The following PHC2 variants were observed in gnomAD, a reference collection of about 807,000 sequenced individuals.
PHC2 encodes the protein polyhomeotic-like protein 2.
A neutral mutation model predicts 87.4 loss-of-function variants in PHC2; 29 were observed. That is an observed-to-expected ratio of 0.33 (90% CI 0.25 to 0.45). The LOEUF (loss-of-function observed/expected upper bound fraction) is 0.45, where lower values mean the gene tolerates loss of function less well. Ranked by LOEUF, PHC2 falls within the 20% of genes least tolerant of loss-of-function variation. The pLI, the probability that PHC2 is intolerant of heterozygous loss-of-function variation, is 1.00. For missense variants in PHC2, 857 were observed against 1,136.7 expected, an observed-to-expected ratio of 0.75 and a Z score of 3.54; for synonymous variants, 438 against 461.7, an observed-to-expected ratio of 0.95 and a Z score of 0.66.
intron 8 of PHC2, 70 bp downstream of exon 8, chr1:33,354,768 C>T (rs572097643): frequency 6.6e-6 from 10 of 1,522,586 alleles, no homozygotes; most frequent in African/African-American, 2.7e-5. Context: ...CACCTCTTGA[C>T]GGGGCTGTGG....
intron 1 of PHC2, among the ~76,000 whole-genome samples, chr1:33,427,765 C>A (rs1650741988): frequency 6.6e-6 from 1 of 152,230 alleles, no homozygotes; most frequent in Admixed American, 6.5e-5. Flanking sequence ...GCGTGTCTAA[C>A]TGGCCTTGGC....
intron 9 of PHC2, chr1:33,335,061 CTCTG>C (rs1296131300): frequency 6.2e-5 from 20 of 320,240 alleles, no homozygotes; most frequent in Non-Finnish European, 6.3e-5. Flanking sequence ...ATCATAGATC[CTCTG>C]TCTCTCTGTG....
intron 9 of PHC2, among the ~76,000 whole-genome samples, chr1:33,353,050 G>C (rs1358129283): frequency 2.6e-5 from 4 of 152,178 alleles, no homozygotes; most frequent in Admixed American, 1.3e-4. Context: ...GGCCTCTAAA[G>C]ACTAGTAGCT....
chr1:33,372,551 A>C, intron 2 of PHC2, 104 bp from the exon 3 acceptor site: 1 of 983,714 alleles, frequency 1.0e-6, no homozygotes. Flanking sequence ...ACTGCTCGGG[A>C]GACACCAAGA....
chr1:33,402,834 TC>T (rs1215644917), intron 1 of PHC2, among the ~76,000 whole-genome samples: 1 of 114,430 alleles, frequency 8.7e-6, no homozygotes, highest in Admixed American at 8.1e-5. Flanking sequence ...AAGGGAAAAC[TC>T]TTTTTTTTGA....
chr1:33,356,269 A>ATATG (rs1553185661), intron 7 of PHC2, among the ~76,000 whole-genome samples: 2 of 99,150 alleles, frequency 2.0e-5, no homozygotes, highest in African/African-American at 8.4e-5. Context: ...ATATATATAT[A>ATATG]TATATATGTA....
At chr1:33,325,858 C>T (rs1383062814) in intron 14 of PHC2, 4 of 456,458 alleles carry the variant, frequency 8.8e-6, no homozygotes, top group African/African-American at 8.0e-5. Context: ...GAACTGGCCA[C>T]AGGCAGGAGC....
chr1:33,356,287 A>ATT (rs1299877376), intron 7 of PHC2, among the ~76,000 whole-genome samples: 7 of 139,458 alleles, frequency 5.0e-5, no homozygotes, highest in African/African-American at 1.8e-4. Flanking sequence ...GTATATATAT[A>ATT]TATATATTTA....
At chr1:33,347,564 T>G (rs185989976) in intron 9 of PHC2, 1 of 984,978 alleles carries the variant, frequency 1.0e-6, no homozygotes, top group Non-Finnish European at 1.2e-6. Flanking sequence ...AAAGAACAGT[T>G]TGGGGGAAAA....
At chr1:33,410,225 C>T (rs539626788) in intron 1 of PHC2, among the ~76,000 whole-genome samples, 3 of 152,312 alleles carry the variant, frequency 2.0e-5, no homozygotes, top group Admixed American at 6.5e-5. Flanking sequence ...ATGCCTTACT[C>T]TTCCCCTCTG....
intron 7 of PHC2, among the ~76,000 whole-genome samples, chr1:33,357,584 G>A (rs1647114975): frequency 6.6e-6 from 1 of 152,240 alleles, no homozygotes; most frequent in African/African-American, 2.4e-5. Context: ...GTTGAGGGAA[G>A]TGTGTTGGGT....
At chr1:33,336,649 TC>T (rs1176050093) in intron 9 of PHC2, 1 of 152,270 alleles carries the variant, frequency 6.6e-6, no homozygotes, top group Non-Finnish European at 1.5e-5. Flanking sequence ...GTCTGGAGGT[TC>T]TAGCAGGGGA....
At position 33,364,248 on chromosome 1, in the gene PHC2, C is replaced by T. The variant is rs115334633; in HGVS notation, c.976+2868G>A. ...TGCCATACCCCCTCCTACTGGCCCA[C>T]TGCAAGTCTCCACTGGTTACTTTCC... is the stretch of plus-strand genomic sequence containing the variant. On this transcript the variant is annotated intron_variant, in intron 7 of 14. Coordinates refer to ENST00000683057, the MANE Select transcript of PHC2 (RefSeq NM_001385109.1). This position sits in a 1 kb window ranked among gnomAD's most constrained non-coding sequence, Gnocchi z 4.1. 7.8e-3 allele frequency among the ~76,000 whole-genome samples: 1,189 copies of T among 152,242 alleles called. 8 individuals are homozygous for T. Among genetic ancestry groups the T allele is most frequent in the Non-Finnish European group, 0.012 (839 of 68,016 alleles).
chr1:33,386,774 CACACAGT>C (rs1648776797), intron 1 of PHC2, among the ~76,000 whole-genome samples: 1 of 152,132 alleles, frequency 6.6e-6, no homozygotes, highest in Non-Finnish European at 1.5e-5. Context: ...AAGCACACAG[CACACAGT>C]GCGCACACAC....
At position 33,382,001 on chromosome 1, in the gene PHC2, G is replaced by A. The variant is rs543038571; in HGVS notation, c.-54-6408C>T. ...AGGCACCTCAGGAAACCTCCTGCCC[G>A]CATGGTGGTGGTGACTTATCAACGA... On this transcript the variant is annotated intron_variant, in intron 1 of 14. Coordinates refer to ENST00000683057, the MANE Select transcript of PHC2 (RefSeq NM_001385109.1). This position sits in a 1 kb window ranked among gnomAD's most constrained non-coding sequence, Gnocchi z 4.3. 9.9e-5 allele frequency among the ~76,000 whole-genome samples: 15 copies of A among 152,074 alleles called. No homozygotes were observed. The highest frequency in any genetic ancestry group is 2.1e-4 in the South Asian group (1 of 4,816).
chr1:33,407,482 G>A (rs1010022086), intron 1 of PHC2, among the ~76,000 whole-genome samples: 1 of 152,198 alleles, frequency 6.6e-6, no homozygotes, highest in Non-Finnish European at 1.5e-5. Context: ...AAAAGTTTGA[G>A]GTTCCCTGGA....
At position 33,324,404 on chromosome 1, in the gene PHC2, G is replaced by C. The variant is rs974209302; in HGVS notation, c.*461C>G. The C allele has an allele frequency of 3.3e-5, 5 of 153,834 alleles. No individual in the cohort carries two copies. The highest frequency in any genetic ancestry group is 1.2e-4 in the African/African-American group (5 of 41,474). The allele number at this position is 153,834 out of a possible 1,614,324, so 9.5% of individuals were successfully genotyped here. A position where few individuals can be genotyped will look rare whatever the true frequency, so the allele number is the denominator to read the frequency against. On this transcript the variant is annotated 3_prime_UTR_variant, in exon 15 of 15. Transcript: ENST00000683057. The stretch of plus-strand genomic sequence containing the variant: ...TGGCTGCTGCAGAAACAGGCTGAAG[G>C]GGGAGAAGCTGACAACGGAAGAGTT...
chr1:33,379,710 C>T (rs551060642), intron 1 of PHC2, among the ~76,000 whole-genome samples: 3 of 150,696 alleles, frequency 2.0e-5, no homozygotes, highest in Non-Finnish European at 4.4e-5. Flanking sequence ...CTCTGGAATA[C>T]GAGCACGTCC....
At position 33,328,881 on chromosome 1, in the gene PHC2, C is replaced by T. The variant is rs575502626; in HGVS notation, c.2414G>A (p.Arg805His). The change falls in exon 14 of 15, where the codon CGC (arginine) becomes CAC (histidine). Residue 805 changes from arginine (R) to histidine (H), a missense_variant. Transcript: ENST00000683057. ...WNVEDVYEFI[R>H]SLPGCQEIAE... ...TCCAAGGGCCTTACCTGGCAGAGAG[C>T]GGATGAATTCGTAGACGTCTTCTAC... The T allele has an allele frequency of 7.5e-6, 12 of 1,607,378 alleles. No individual in the cohort carries two copies. The highest frequency in any genetic ancestry group is 5.3e-5 in the African/African-American group (4 of 74,890).
Sources: gnomAD v4.1 joint callset for allele counts (sites outside exome capture counted in the v4.1 genomes callset) on GRCh38, gnomAD v4.1.1 for gene constraint, Gnocchi (gnomAD v3.1) non-coding constraint, MANE v1.5 for transcripts, NCBI Gene and HGNC (gene_info 2026-07-23, HGNC 2026-07-21) for gene names.